PARD3: variants seen among roughly 807,000 people sequenced by gnomAD.
The protein encoded by PARD3 is par-3 family cell polarity regulator.
PARD3 carries 75 observed loss-of-function variants against 155.4 expected under a neutral mutation model. The observed-to-expected ratio is 0.48, with a 90% confidence interval of 0.40 to 0.58. The LOEUF is 0.58. PARD3 is among the 20% of genes least tolerant of loss of function. The pLI is 0.00. For synonymous variants in PARD3, 576 were observed against 610.5 expected, an observed-to-expected ratio of 0.94 and a Z score of 0.83; for missense variants, 1,642 against 1,721.7, an observed-to-expected ratio of 0.95 and a Z score of 0.82.
chr10:34,430,918 A>C (rs547503472), intron 5 of PARD3, among the ~76,000 whole-genome samples: 3 of 152,300 alleles, frequency 2.0e-5, no homozygotes, highest in African/African-American at 4.8e-5. Context: ...AACATCTTTT[A>C]CTCCACAGAA....
intron 2 of PARD3, among the ~76,000 whole-genome samples, chr10:34,648,502 G>C (rs1233433676): frequency 3.3e-5 from 5 of 152,138 alleles, no homozygotes; most frequent in African/African-American, 4.8e-5. Flanking sequence ...TTCCACAAAT[G>C]GGGGCTTGGG....
intron 7 of PARD3, among the ~76,000 whole-genome samples, chr10:34,384,796 T>C (rs1192829590): frequency 2.6e-5 from 4 of 152,224 alleles, no homozygotes; most frequent in Non-Finnish European, 5.9e-5. Flanking sequence ...TAGTGCTTAG[T>C]ATTGTGAATT....
At chr10:34,552,787 T>G (rs1045540635) in intron 2 of PARD3, among the ~76,000 whole-genome samples, 3 of 152,146 alleles carry the variant, frequency 2.0e-5, no homozygotes, top group African/African-American at 7.2e-5. Flanking sequence ...CATGACTAAT[T>G]TTAAGTTTGA....
intron 22 of PARD3, among the ~76,000 whole-genome samples, chr10:34,254,351 C>G (rs1186808050): frequency 6.6e-6 from 1 of 152,000 alleles, no homozygotes. Context: ...TGCACTCCAG[C>G]CTGGGCGACA....
chr10:34,499,022 T>C (rs895305927), intron 3 of PARD3, among the ~76,000 whole-genome samples: 7 of 152,150 alleles, frequency 4.6e-5, no homozygotes, highest in Non-Finnish European at 7.4e-5. Flanking sequence ...TGGTGAAACA[T>C]CATTTACTGT....
At position 34,127,322 on chromosome 10, in the gene PARD3, G is replaced by C. The variant is rs1354805852; in HGVS notation, c.3540+4141C>G. Among the ~76,000 whole-genome samples, 4 of 152,206 alleles carry C rather than the reference G, an allele frequency of 2.6e-5. 1 individual carries two copies. The highest frequency in any genetic ancestry group is 5.9e-5 in the Non-Finnish European group (4 of 68,018). On this transcript the variant is annotated intron_variant, in intron 23 of 24. Transcript: ENST00000374788. ...CTCAAAGACATATGTCTGCTTCTCT[G>C]TTATATATTTAAAATATATTCCAAT... is the stretch of plus-strand genomic sequence containing the variant.
intron 22 of PARD3, among the ~76,000 whole-genome samples, chr10:34,158,649 G>A (rs1949128488): frequency 6.6e-6 from 1 of 152,172 alleles, no homozygotes; most frequent in Non-Finnish European, 1.5e-5. Flanking sequence ...AACTATCTCT[G>A]TGATGATTCT....
Position 34,213,446 on chromosome 10 carries a change from A to G in PARD3, c.3419+56211T>C, listed in dbSNP as rs1235398533. Among the ~76,000 whole-genome samples the G allele has an allele frequency of 5.9e-5, 9 of 152,138 alleles. 1 individual carries two copies. The highest frequency in any genetic ancestry group is 5.9e-4 in the Admixed American group (9 of 15,262). ...ACCACCACATTGGGGGTCAAACGTC[A>G]ATATGAGTTTTGGTGGGGATGAACT... On this transcript the variant is annotated intron_variant, in intron 22 of 24. Coordinates refer to ENST00000374788, the MANE Select transcript of PARD3 (RefSeq NM_001184785.2).
intron 20 of PARD3, among the ~76,000 whole-genome samples, chr10:34,314,907 AT>A (rs1957915007): frequency 1.3e-5 from 2 of 152,324 alleles, no homozygotes; most frequent in South Asian, 4.1e-4. Context: ...CTAAAAATTG[AT>A]CAATTGGCTC....
intron 4 of PARD3, among the ~76,000 whole-genome samples, chr10:34,456,011 TTAA>T (rs2077319126): frequency 6.6e-6 from 1 of 152,216 alleles, no homozygotes; most frequent in Non-Finnish European, 1.5e-5. Context: ...CCCCACATTC[TTAA>T]TAACTATTAA....
At chr10:34,253,096 A>G (rs1954428221) in intron 22 of PARD3, among the ~76,000 whole-genome samples, 1 of 152,228 alleles carries the variant, frequency 6.6e-6, no homozygotes, top group Non-Finnish European at 1.5e-5. Context: ...CTGTGGGAGT[A>G]GGTTTTAGAT....
chr10:34,546,574 C>T (rs193072089), intron 2 of PARD3, among the ~76,000 whole-genome samples: 1 of 151,596 alleles, frequency 6.6e-6, no homozygotes, highest in Non-Finnish European at 1.5e-5. Context: ...GTCTCACTGT[C>T]ACCCGGGCTG....
intron 22 of PARD3, among the ~76,000 whole-genome samples, chr10:34,250,088 C>T (rs1328858465): frequency 6.6e-6 from 1 of 151,682 alleles, no homozygotes; most frequent in Non-Finnish European, 1.5e-5. Flanking sequence ...ATTCTTGGAA[C>T]ATATGAAATA....
intron 2 of PARD3, among the ~76,000 whole-genome samples, chr10:34,557,158 A>G (rs538748718): frequency 1.3e-5 from 2 of 152,260 alleles, no homozygotes; most frequent in South Asian, 4.2e-4. Flanking sequence ...TACTCTTGCC[A>G]AAGTGGGCTA....
At chr10:34,566,315 G>A (rs932368204) in intron 2 of PARD3, among the ~76,000 whole-genome samples, 1 of 152,182 alleles carries the variant, frequency 6.6e-6, no homozygotes, top group African/African-American at 2.4e-5. Flanking sequence ...AAGCCTTGCA[G>A]CCTTTCACAA....
intron 1 of PARD3, among the ~76,000 whole-genome samples, chr10:34,809,817 T>TAA (rs199549489): frequency 1.3e-5 from 2 of 152,086 alleles, no homozygotes; most frequent in African/African-American, 4.8e-5. Flanking sequence ...CAGAAAATGT[T>TAA]AAAAAAATAA....
chr10:34,371,413 T>C (rs1478160576), intron 12 of PARD3, among the ~76,000 whole-genome samples: 1 of 144,752 alleles, frequency 6.9e-6, no homozygotes, highest in Non-Finnish European at 1.5e-5. Context: ...TTGTGGAATA[T>C]TTATAGGAGG....
chr10:34,252,076 G>C (rs1378923303), intron 22 of PARD3, among the ~76,000 whole-genome samples: 1 of 152,164 alleles, frequency 6.6e-6, no homozygotes, highest in Non-Finnish European at 1.5e-5. Flanking sequence ...ATAAGGACTA[G>C]CAAGAAAAAG....
At chr10:34,473,920 G>C (rs1396322194) in intron 3 of PARD3, among the ~76,000 whole-genome samples, 1 of 152,250 alleles carries the variant, frequency 6.6e-6, no homozygotes, top group Non-Finnish European at 1.5e-5. Context: ...TCACAGAGCT[G>C]CGACACTGTT....
Sources: gnomAD v4.1 joint callset for allele counts (sites outside exome capture counted in the v4.1 genomes callset) on GRCh38, gnomAD v4.1.1 for gene constraint, MANE v1.5 for transcripts, NCBI Gene and HGNC (gene_info 2026-07-23, HGNC 2026-07-21) for gene names.